Variants in PI4KA observed in about 807,000 individuals in gnomAD.
The protein encoded by PI4KA is PI4-kinase alpha.
A neutral mutation model predicts 271.4 loss-of-function variants in PI4KA; 122 were observed. The observed-to-expected ratio is 0.45, with a 90% CI of 0.39 to 0.52. PI4KA has a LOEUF of 0.52. Among genes scored for constraint, PI4KA ranks in the 20% least tolerant of loss-of-function variants. The probability of loss-of-function intolerance (pLI) is 0.00; values close to 1 mark genes in which losing one functional copy is unlikely to be tolerated. For synonymous variants in PI4KA, 1,041 were observed against 1,078.8 expected (o/e 0.96, Z 0.69); for missense variants, 1,969 against 2,769.1 (o/e 0.71, Z 6.48).
intron 10 of PI4KA, 105 bp downstream of exon 10, chr22:20,807,257 T>C (rs189508441): frequency 1.4e-6 from 1 of 697,050 alleles, no homozygotes; most frequent in East Asian, 2.8e-5. Flanking sequence ...TGTTTTTCAG[T>C]GGCCCCAGCA....
intron 19 of PI4KA, chr22:20,779,227 C>T (rs752242204): frequency 3.8e-5 from 61 of 1,605,974 alleles, no homozygotes; most frequent in Non-Finnish European, 5.0e-5. Context: ...AGGGAACCTG[C>T]CATGTGGATG....
At chr22:20,749,784 G>C (rs1930476814) in intron 28 of PI4KA, 121 bp downstream of exon 28, 1 of 682,114 alleles carries the variant, frequency 1.5e-6, no homozygotes, top group Non-Finnish European at 2.7e-6. Context: ...GCCCTAGACT[G>C]ATGCTTCCAG....
Position 20,765,108 on chromosome 22 carries a change from C to T in PI4KA, c.2566G>A (p.Val856Ile), listed in dbSNP as rs1268085429. 1.2e-6 allele frequency: 2 copies of T among 1,612,500 alleles called. No homozygotes were observed. The highest frequency in any genetic ancestry group is 3.3e-5 in the Admixed American group (2 of 59,814). The change falls in exon 21 of 55, where the codon GTC (valine) becomes ATC (isoleucine). Residue 856 changes from valine (V) to isoleucine (I), a missense_variant. This residue lies in a region of PI4KA where 368 missense variants were observed against 544.3 expected (regional missense o/e 0.68). Transcript: ENST00000255882. ...GAGATGTGAATCCTTACGGGGGTGA[C>T]CGTGTCATTCTTCATGGCTGAGTTA... Reference protein sequence around the residue: ...QYNSAMKNDTVTPAELSELRS... With the variant: ...QYNSAMKNDTITPAELSELRS...
rs953421366 is a variant in PI4KA, at chr22:20,735,462, T to G, written c.3742-909A>C. ...CATGAGGTGGATCAGGGTGGCCACG[T>G]GGCCAGTCACAGGGCTCTCAGCCAG... On this transcript the variant is annotated intron_variant, in intron 32 of 54. Transcript: ENST00000255882. 6.1e-5 allele frequency among the ~76,000 whole-genome samples: 9 copies of G among 147,196 alleles called. No individual in the cohort carries two copies. The East Asian group carries it at 1.2e-3, about 20-fold the overall frequency.
rs5903 is a variant in PI4KA at position 20,779,543 on chromosome 22, C to T, written c.2328+13650G>A. 15,738 of 1,613,928 alleles carry T rather than the reference C, an allele frequency of 9.8e-3. 1,638 individuals carry two copies. In the Admixed American group the frequency reaches 0.2, roughly 20 times the overall value. On this transcript the variant is annotated intron_variant, in intron 19 of 54. Coordinates refer to ENST00000255882, the MANE Select transcript of PI4KA (RefSeq NM_058004.4). ...GGATTCCAGAGGGGGAGGAGGACGA[C>T]GACTATCTGGACCTGGAGAAGATAT... is the stretch of plus-strand genomic sequence containing the variant.
intron 22 of PI4KA, among the ~76,000 whole-genome samples, chr22:20,762,428 C>A (rs5996701): frequency 3.3e-5 from 5 of 152,328 alleles, no homozygotes; most frequent in African/African-American, 1.2e-4. Context: ...GGTTGCCTCT[C>A]TATGCTAACA....
chr22:20,712,276 T>C lies in PI4KA; in HGVS notation c.5802+210A>G, dbSNP rs1257340038. 4.7e-6 allele frequency: 3 copies of C among 635,720 alleles called. No individual in the cohort carries two copies. The African/African-American group carries it at 6.1e-5, about 13-fold the overall frequency. The allele number at this position is 635,720 out of a possible 1,614,324, so 39.4% of individuals were successfully genotyped here. On this transcript the variant is annotated intron_variant, in intron 50 of 54. Coordinates refer to ENST00000255882, the MANE Select transcript of PI4KA (RefSeq NM_058004.4). ...TTCACCATTTTGGCCAGGATGGTTT[T>C]GATCTCTTGACCTCGTGATCTGCCC...
chr22:20,712,456 C>A (rs1925420987), intron 50 of PI4KA, 30 bp downstream of exon 50: 1 of 1,606,262 alleles, frequency 6.2e-7, no homozygotes, highest in Non-Finnish European at 8.5e-7. Context: ...GCACACACGA[C>A]CTCCCCCGGC....
intron 29 of PI4KA, 54 bp downstream of exon 29, chr22:20,747,529 A>G: frequency 6.3e-7 from 1 of 1,594,576 alleles, no homozygotes; most frequent in Non-Finnish European, 8.6e-7. Context: ...CTTCCCCTGC[A>G]CTGTGGCTCC....
intron 42 of PI4KA, among the ~76,000 whole-genome samples, chr22:20,722,278 C>T (rs1601332824): frequency 6.6e-6 from 1 of 152,150 alleles, no homozygotes; most frequent in South Asian, 2.1e-4. Flanking sequence ...CCTCCACCTC[C>T]CAGGTTCAAG....
intron 19 of PI4KA, among the ~76,000 whole-genome samples, chr22:20,769,661 G>A (rs165830): frequency 6.2e-5 from 9 of 146,232 alleles, no homozygotes; most frequent in African/African-American, 2.0e-4. Context: ...AGAGCGAGAC[G>A]CCATTTCAAA....
intron 22 of PI4KA, among the ~76,000 whole-genome samples, chr22:20,763,028 G>C (rs925986948): frequency 3.1e-5 from 3 of 95,538 alleles, no homozygotes; most frequent in South Asian, 4.0e-4. Flanking sequence ...GGGGGGGGGG[G>C]GGGTTAGAGA....
In PI4KA at chr22:20,799,272, C is replaced by T. The variant is rs758699188; in HGVS notation, c.1825G>A (p.Ala609Thr). Residue 609 changes from alanine to threonine, a missense_variant, in exon 16 of 55, where the codon GCT becomes ACT. Transcript: ENST00000255882. ...LYISQESDKD[A>T]HLIPDHTIRA... Reference sequence around the variant, plus strand: ...ATTGTGTGGTCGGGAATCAAGTGAGCGTCCCTACAGAAGGAAGAACAGAAG... The same window carrying T: ...ATTGTGTGGTCGGGAATCAAGTGAGTGTCCCTACAGAAGGAAGAACAGAAG... 2.0e-6 allele frequency: 3 copies of T among 1,520,444 alleles called. No homozygotes were observed. The highest frequency in any genetic ancestry group is 2.6e-6 in the Non-Finnish European group (3 of 1,137,188). The allele number at this position is 1,520,444 out of a possible 1,614,324, so 94.2% of individuals were successfully genotyped here. A position where few individuals can be genotyped will look rare whatever the true frequency, so the allele number is the denominator to read the frequency against.
rs751969963 is a variant in PI4KA, at chr22:20,764,964, A to T, written c.2575-14T>A. On this transcript the variant is annotated splice_polypyrimidine_tract_variant and intron_variant, in intron 21 of 54. Transcript: ENST00000255882. ...ACTCAGCTCAGCCTGGAGGGAGAGAAACATCCGAGGGCTCATGGGGCATCC... is the reference window on the plus strand; with the variant it reads ...ACTCAGCTCAGCCTGGAGGGAGAGATACATCCGAGGGCTCATGGGGCATCC... The T allele has an allele frequency of 6.3e-7, 1 of 1,599,442 alleles. No individual in the cohort carries two copies. The highest frequency in any genetic ancestry group is 8.6e-7 in the Non-Finnish European group (1 of 1,169,398).
intron 35 of PI4KA, among the ~76,000 whole-genome samples, 187 bp from the exon 36 acceptor site, chr22:20,733,285 T>C (rs1316466093): frequency 6.7e-6 from 1 of 149,730 alleles, no homozygotes. Flanking sequence ...GGAGCCCTCT[T>C]ATGCCCTCCT....
intron 7 of PI4KA, among the ~76,000 whole-genome samples, chr22:20,816,100 C>T (rs914361136): frequency 2.0e-5 from 3 of 151,842 alleles, no homozygotes; most frequent in East Asian, 1.9e-4. Context: ...CCACTGCACC[C>T]GGCTAATTTT....
intron 6 of PI4KA, among the ~76,000 whole-genome samples, 180 bp downstream of exon 6, chr22:20,819,461 A>T (rs1288615226): frequency 6.6e-6 from 1 of 151,916 alleles, no homozygotes; most frequent in South Asian, 2.1e-4. Flanking sequence ...TGTGCACTCT[A>T]TAAGCCCTTC....
intron 23 of PI4KA, among the ~76,000 whole-genome samples, 177 bp from the exon 24 acceptor site, chr22:20,753,357 T>G (rs369523649): frequency 0.029 from 4,491 of 152,304 alleles, 89 homozygotes; most frequent in Middle Eastern, 0.061. Context: ...GTAACCAGGC[T>G]GATGTGTCAA....
chr22:20,730,844 A>G (rs1927949104), intron 36 of PI4KA, among the ~76,000 whole-genome samples: 1 of 151,830 alleles, frequency 6.6e-6, no homozygotes, highest in Non-Finnish European at 1.5e-5. Context: ...TGCTGGGATT[A>G]CAGGCGTGAG....
Sources: gnomAD v4.1 joint callset for allele counts (sites outside exome capture counted in the v4.1 genomes callset) on GRCh38, gnomAD v4.1.1 for gene constraint, gnomAD v4.1.1 regional missense constraint, MANE v1.5 for transcripts, NCBI Gene and HGNC (gene_info 2026-07-23, HGNC 2026-07-21) for gene names.